FKBP3: variants seen among roughly 807,000 people sequenced by gnomAD.
FKBP3 encodes peptidyl-prolyl cis-trans isomerase FKBP3.
Under a neutral mutation model 30.6 loss-of-function variants are expected in FKBP3, and 21 were observed. The observed-to-expected ratio is 0.69, with a 90% CI of 0.49 to 0.99. FKBP3 has a LOEUF of 0.99. Among genes scored for constraint, FKBP3 ranks in the 50% least tolerant of loss-of-function variants. The pLI, the probability that FKBP3 is intolerant of heterozygous loss-of-function variation, is 0.00. For synonymous variants in FKBP3, 82 were observed against 91.3 expected (o/e 0.90, Z 0.58); for missense variants, 283 against 261.6 (o/e 1.08, Z -0.56).
At position 45,127,201 on chromosome 14, in the gene FKBP3, C is replaced by T. The variant is rs188231317; in HGVS notation, c.318+2593G>A. Among the ~76,000 whole-genome samples, 323 of 150,902 alleles carry T rather than the reference C, an allele frequency of 2.1e-3. 1 individual carries two copies. The highest frequency in any genetic ancestry group is 7.4e-3 in the African/African-American group (300 of 40,796). On this transcript the variant is annotated intron_variant, in intron 3 of 6. Coordinates refer to ENST00000396062, the MANE Select transcript of FKBP3 (RefSeq NM_002013.4). The stretch of plus-strand genomic sequence containing the variant: ...CGATCTCAGCTCACTGCAACCTCCG[C>T]CTCTGGGGTTCAGGCGATTCTCCCA...
At chr14:45,131,708 C>T (rs1840712685) in intron 1 of FKBP3, among the ~76,000 whole-genome samples, 1 of 151,404 alleles carries the variant, frequency 6.6e-6, no homozygotes, top group Non-Finnish European at 1.5e-5. Context: ...ACTCAGCCTC[C>T]ATATCTGTAG....
At chr14:45,118,824 T>C (rs1884916085) in intron 5 of FKBP3, among the ~76,000 whole-genome samples, 1 of 152,170 alleles carries the variant, frequency 6.6e-6, no homozygotes, top group Non-Finnish European at 1.5e-5. Context: ...CAGATTGTAA[T>C]AGTGGAGTCA....
At chr14:45,117,933 C>G (rs1884889199) in intron 6 of FKBP3, 95 bp downstream of exon 6, 2 of 853,780 alleles carry the variant, frequency 2.3e-6, no homozygotes, top group Admixed American at 4.8e-5. Context: ...ATTCTTGATC[C>G]AGAAGTTTGC....
chr14:45,129,922 C>T (rs751706871), intron 2 of FKBP3, 21 bp from the exon 3 acceptor site: 5 of 1,526,826 alleles, frequency 3.3e-6, no homozygotes, highest in Non-Finnish European at 4.5e-6. Flanking sequence ...AATGTTGTAA[C>T]ATCATACCCA....
At chr14:45,130,659 C>T in intron 2 of FKBP3, 40 bp downstream of exon 2, 1 of 1,221,694 alleles carries the variant, frequency 8.2e-7, no homozygotes, top group Non-Finnish European at 1.2e-6. Flanking sequence ...AATAAAATTT[C>T]AAAAGTGATG....
At chr14:45,124,736 T>C (rs1320320213) in intron 3 of FKBP3, among the ~76,000 whole-genome samples, 2 of 151,792 alleles carry the variant, frequency 1.3e-5, no homozygotes, top group Non-Finnish European at 2.9e-5. Flanking sequence ...CTGTGCCTGC[T>C]TAATAATATT....
intron 3 of FKBP3, among the ~76,000 whole-genome samples, chr14:45,123,096 G>A (rs1311973665): frequency 3.3e-5 from 5 of 151,100 alleles, no homozygotes; most frequent in Non-Finnish European, 1.5e-5. Flanking sequence ...GGGAGGTAGA[G>A]TCAGGAGAAT....
At position 45,118,038 on chromosome 14, in the gene FKBP3, G is replaced by T; in HGVS notation, c.610C>A (p.Pro204Thr). 6.3e-7 allele frequency: 1 copy of T among 1,598,274 alleles called. No individual in the cohort carries two copies. The part of the protein sequence containing the change: ...PEWAYGKKGQ[P>T]DAKIPPNAKL... The stretch of plus-strand genomic sequence containing the variant: ...GGGAAAAAAGGATACTTGGCATCAG[G>T]CTGTCCTTTCTTTCCGTAAGCCCAT... Residue 204 changes from proline (P) to threonine (T), a missense_variant, in exon 6 of 7, where the codon CCT (proline) becomes ACT (threonine). Physicochemically the swap from Pro to Thr is conservative, Grantham distance 38. Coordinates refer to ENST00000396062, the MANE Select transcript of FKBP3 (RefSeq NM_002013.4).
chr14:45,118,474 TA>T (rs1239879695), intron 5 of FKBP3, among the ~76,000 whole-genome samples: 2 of 151,566 alleles, frequency 1.3e-5, no homozygotes, highest in South Asian at 4.2e-4. Flanking sequence ...CTACTAAAAA[TA>T]AAAAAATTAG....
intron 1 of FKBP3, among the ~76,000 whole-genome samples, chr14:45,131,431 A>G (rs548387096): frequency 2.9e-3 from 448 of 152,066 alleles, no homozygotes; most frequent in Admixed American, 5.0e-3. Flanking sequence ...CAGGAGTTTG[A>G]GACCAGCCTG....
intron 1 of FKBP3, chr14:45,133,359 C>T (rs1311520365): frequency 7.0e-6 from 2 of 284,072 alleles, no homozygotes; most frequent in Non-Finnish European, 1.5e-5. Context: ...CCTAGCTACT[C>T]GAGAGGCAGA....
chr14:45,116,400 C>A, intron 6 of FKBP3, 148 bp from the exon 7 acceptor site: 1 of 550,752 alleles, frequency 1.8e-6, no homozygotes, highest in Non-Finnish European at 3.4e-6. Context: ...ACAAGTACTC[C>A]TAAATTAGCC....
chr14:45,130,325 A>C (rs940994557), intron 2 of FKBP3, among the ~76,000 whole-genome samples: 3 of 152,232 alleles, frequency 2.0e-5, no homozygotes, highest in African/African-American at 7.2e-5. Flanking sequence ...TCATTAGTGA[A>C]ATGGAAACTT....
chr14:45,119,208 T>C (rs181463780), intron 5 of FKBP3, among the ~76,000 whole-genome samples: 6 of 152,342 alleles, frequency 3.9e-5, no homozygotes, highest in Non-Finnish European at 5.9e-5. Flanking sequence ...TTATATGCTG[T>C]ATTGAAATGC....
At chr14:45,128,037 G>A (rs1885137436) in intron 3 of FKBP3, among the ~76,000 whole-genome samples, 1 of 151,900 alleles carries the variant, frequency 6.6e-6, no homozygotes, top group South Asian at 2.1e-4. Context: ...GAACACAGGA[G>A]CATATAATGA....
intron 3 of FKBP3, 62 bp from the exon 4 acceptor site, chr14:45,121,682 C>A (rs1006955360): frequency 7.7e-6 from 12 of 1,556,488 alleles, no homozygotes; most frequent in Non-Finnish European, 1.0e-5. Flanking sequence ...AAAAGAATGA[C>A]AAACAATAGC....
intron 3 of FKBP3, among the ~76,000 whole-genome samples, chr14:45,128,830 C>T (rs1172826221): frequency 6.6e-6 from 1 of 152,220 alleles, no homozygotes; most frequent in Non-Finnish European, 1.5e-5. Flanking sequence ...AAACCATCCT[C>T]ATTCTAATTT....
At chr14:45,123,231 G>A (rs1382125054) in intron 3 of FKBP3, among the ~76,000 whole-genome samples, 1 of 151,416 alleles carries the variant, frequency 6.6e-6, no homozygotes, top group Non-Finnish European at 1.5e-5. Context: ...TACCTCTTGG[G>A]CAAAAGATTC....
chr14:45,119,942 G>A (rs770178029), intron 5 of FKBP3, among the ~76,000 whole-genome samples: 1 of 151,914 alleles, frequency 6.6e-6, no homozygotes, highest in East Asian at 1.9e-4. Flanking sequence ...CACCCACCTC[G>A]GCCTCCCAAA....
Sources: gnomAD v4.1 joint callset for allele counts (sites outside exome capture counted in the v4.1 genomes callset) on GRCh38, gnomAD v4.1.1 for gene constraint, MANE v1.5 for transcripts, NCBI Gene and HGNC (gene_info 2026-07-23, HGNC 2026-07-21) for gene names.